Variants in NRXN1 observed in about 807,000 individuals in gnomAD.
NRXN1 encodes the protein neurexin 1, also known as neurexin-1.
NRXN1 carries 39 observed loss-of-function variants against 150.9 expected under a neutral mutation model. The observed-to-expected ratio is 0.26, with a 90% CI of 0.20 to 0.34. The LOEUF (loss-of-function observed/expected upper bound fraction) is 0.34. Ranked by LOEUF, NRXN1 falls within the 10% of genes least tolerant of loss-of-function variation. The pLI, the probability that NRXN1 is intolerant of heterozygous loss-of-function variation, is 1.00. For synonymous variants in NRXN1, 924 were observed against 757.0 expected (o/e 1.22, Z -3.62); for missense variants, 1,815 against 1,949.9 (o/e 0.93, Z 1.30).
intron 5 of NRXN1, chr2:50,656,289 G>A: frequency 1.4e-6 from 1 of 709,270 alleles, no homozygotes; most frequent in Non-Finnish European, 2.6e-6. Context: ...AAATTAAATA[G>A]GCTTTTAAAG....
At chr2:49,967,427 T>C (rs1677148412) in intron 21 of NRXN1, among the ~76,000 whole-genome samples, 1 of 152,042 alleles carries the variant, frequency 6.6e-6, no homozygotes, top group Non-Finnish European at 1.5e-5. Context: ...GGAGATACAT[T>C]CAACAAAGAA....
intron 18 of NRXN1, among the ~76,000 whole-genome samples, chr2:50,225,813 CA>C (rs2064322629): frequency 6.6e-6 from 1 of 151,946 alleles, no homozygotes; most frequent in Admixed American, 6.6e-5. Context: ...AAACTAGTTG[CA>C]AATGCTAGCT....
chr2:50,702,901 A>G (rs1389583237), intron 5 of NRXN1, among the ~76,000 whole-genome samples: 1 of 152,086 alleles, frequency 6.6e-6, no homozygotes, highest in Admixed American at 6.6e-5. Context: ...ATTATATCTA[A>G]CTGAATTCCC....
chr2:50,807,673 G>A (rs1667683397), intron 5 of NRXN1, among the ~76,000 whole-genome samples: 1 of 152,074 alleles, frequency 6.6e-6, no homozygotes, highest in African/African-American at 2.4e-5. Context: ...TTGCTCTGCT[G>A]TACTAATTAG....
At chr2:50,421,715 C>T (rs980658756) in intron 17 of NRXN1, among the ~76,000 whole-genome samples, 1 of 152,086 alleles carries the variant, frequency 6.6e-6, no homozygotes, top group African/African-American at 2.4e-5. Context: ...CAGAGCAATT[C>T]AATGTATTTT....
At chr2:50,029,236 C>T (rs1688824375) in intron 21 of NRXN1, among the ~76,000 whole-genome samples, 1 of 152,156 alleles carries the variant, frequency 6.6e-6, no homozygotes, top group South Asian at 2.1e-4. Context: ...AATCAGCTGC[C>T]ACCTTGATCA....
intron 5 of NRXN1, among the ~76,000 whole-genome samples, chr2:50,754,503 C>T (rs1468503559): frequency 6.6e-6 from 1 of 151,740 alleles, no homozygotes; most frequent in Non-Finnish European, 1.5e-5. Flanking sequence ...GTAAAATTTC[C>T]TTAGTTATCT....
intron 17 of NRXN1, among the ~76,000 whole-genome samples, chr2:50,254,262 C>T (rs925607282): frequency 2.6e-5 from 4 of 151,176 alleles, no homozygotes; most frequent in African/African-American, 4.9e-5. Context: ...GTGATGATAT[C>T]CCCTTTATCA....
In NRXN1 at chr2:50,271,618, T is replaced by G. The variant is rs143807116; in HGVS notation, c.3365-34648A>C. 4.4e-4 allele frequency among the ~76,000 whole-genome samples: 67 copies of G among 152,316 alleles called. 1 individual carries two copies. The highest frequency in any genetic ancestry group is 1.6e-3 in the African/African-American group (65 of 41,580). On this transcript the variant is annotated intron_variant, in intron 17 of 22. Coordinates refer to ENST00000401669, the MANE Select transcript of NRXN1 (RefSeq NM_001330078.2). ...ATTTTAACAAGATTTTATAGGTCAC[T>G]GTCTTGCAAAAATGTAACTCAAAGT... is the stretch of plus-strand genomic sequence containing the variant.
At chr2:50,832,036 CT>C (rs1671477879) in intron 5 of NRXN1, among the ~76,000 whole-genome samples, 4 of 152,132 alleles carry the variant, frequency 2.6e-5, no homozygotes, top group Admixed American at 2.6e-4. Context: ...CAACAGTCAA[CT>C]GTAAAGATTT....
intron 5 of NRXN1, among the ~76,000 whole-genome samples, chr2:50,908,883 CAT>C (rs1684120650): frequency 6.6e-6 from 1 of 152,000 alleles, no homozygotes; most frequent in African/African-American, 2.4e-5. Context: ...ATGCCCTCCA[CAT>C]GTTATGATGC....
intron 12 of NRXN1, among the ~76,000 whole-genome samples, chr2:50,511,610 T>C (rs1452444460): frequency 2.6e-5 from 4 of 152,176 alleles, no homozygotes; most frequent in African/African-American, 9.7e-5. Flanking sequence ...TTTTCCTTAA[T>C]TCAGTGTAAA....
Position 50,637,875 on chromosome 2 carries a change from TA to T in NRXN1, c.833-14261del, listed in dbSNP as rs397947476. ...CAAGTTAGTATTTAGATCTAGTATT[TA>T]AAAAAAAAAATTTTCCTAGGATGAT... On this transcript the variant is annotated intron_variant, in intron 5 of 22. Transcript: ENST00000401669. Among the ~76,000 whole-genome samples the T allele has an allele frequency of 7.4e-4, 110 of 149,078 alleles. 3 individuals carry two copies. The highest frequency in any genetic ancestry group is 3.4e-3 in the Middle Eastern group (1 of 294).
chr2:50,273,551 C>G (rs912359142), intron 17 of NRXN1, among the ~76,000 whole-genome samples: 2 of 151,920 alleles, frequency 1.3e-5, no homozygotes, highest in African/African-American at 4.8e-5. Flanking sequence ...TTTTTACAGT[C>G]CCTTATTAAA....
chr2:50,067,855 A>G lies in NRXN1; in HGVS notation c.3719-12811T>C, dbSNP rs1321441049. On this transcript the variant is annotated intron_variant, in intron 19 of 22. Coordinates refer to ENST00000401669, the MANE Select transcript of NRXN1 (RefSeq NM_001330078.2). ...ATTTAAACCTATCCGCTCTAATAAA[A>G]ACCTAAATATATATTTTTTCTAAAG... Among the ~76,000 whole-genome samples the G allele has an allele frequency of 3.9e-5, 6 of 152,194 alleles. No homozygotes were observed. The East Asian group carries it at 1.2e-3, about 29-fold the overall frequency.
At chr2:50,051,464 G>C (rs1374354623) in intron 21 of NRXN1, among the ~76,000 whole-genome samples, 2 of 152,128 alleles carry the variant, frequency 1.3e-5, no homozygotes, top group East Asian at 3.9e-4. Context: ...AATTATTTTA[G>C]ATAAAGGAAA....
chr2:50,732,783 T>C (rs550504007), intron 5 of NRXN1, among the ~76,000 whole-genome samples: 61 of 152,300 alleles, frequency 4.0e-4, no homozygotes, highest in Non-Finnish European at 6.6e-4. Flanking sequence ...CTCTCACATC[T>C]GCTTTTATAT....
At chr2:50,574,151 G>C (rs1475517389) in intron 8 of NRXN1, among the ~76,000 whole-genome samples, 3 of 152,000 alleles carry the variant, frequency 2.0e-5, no homozygotes, top group Non-Finnish European at 2.9e-5. Context: ...TTCTTTTCTA[G>C]CATGTCAAGA....
intron 21 of NRXN1, among the ~76,000 whole-genome samples, chr2:50,028,108 T>C (rs1688643394): frequency 6.6e-6 from 1 of 152,166 alleles, no homozygotes; most frequent in African/African-American, 2.4e-5. Context: ...GTCACTTTGC[T>C]TCTCTTACTG....
Sources: allele counts gnomAD v4.1 joint callset (sites outside exome capture counted in the v4.1 genomes callset), GRCh38; gene constraint gnomAD v4.1.1; transcripts MANE v1.5; gene names NCBI Gene and HGNC (gene_info 2026-07-23, HGNC 2026-07-21).